The following CUL3 variants were observed in gnomAD, a reference collection of about 807,000 sequenced individuals.
CUL3 encodes the protein cullin-3.
In CUL3, 19 loss-of-function variants were observed where a neutral mutation model predicts 89.1. The ratio of observed to expected loss-of-function variants is 0.21; its 90% CI spans 0.15 to 0.31. The LOEUF is 0.31. Ranked by LOEUF, CUL3 falls within the 10% of genes least tolerant of loss-of-function variation. The probability of loss-of-function intolerance (pLI) is 1.00; values close to 1 mark genes in which losing one functional copy is unlikely to be tolerated. For synonymous variants in CUL3, 351 were observed against 308.4 expected, an observed-to-expected ratio of 1.14 and a Z score of -1.45; for missense variants, 469 against 942.3, an observed-to-expected ratio of 0.50 and a Z score of 6.58.
rs544067525 is a variant in CUL3 at position 224,570,547 on chromosome 2, GT to G, written c.67-12692del. ...CTTGATTAGTGACTTAAAACTGAAT[GT>G]AAAAACTACTGATGTTTGGTTAACT... On this transcript the variant is annotated intron_variant, in intron 1 of 15. Coordinates refer to ENST00000264414, the MANE Select transcript of CUL3 (RefSeq NM_003590.5). Among the ~76,000 whole-genome samples the G allele has an allele frequency of 1.9e-3, 291 of 152,272 alleles. 3 individuals are homozygous for G. Among genetic ancestry groups the G allele is most frequent in the African/African-American group, 6.7e-3 (280 of 41,560 alleles).
intron 12 of CUL3, among the ~76,000 whole-genome samples, chr2:224,497,539 G>A (rs1031139165): frequency 6.6e-6 from 1 of 152,080 alleles, no homozygotes; most frequent in Middle Eastern, 3.2e-3. Flanking sequence ...CCTTAGGGAA[G>A]ACTATACTGG....
intron 1 of CUL3, 48 bp from the exon 2 acceptor site, chr2:224,557,904 A>AAAAAAAAAAAAAAAAAAAAAG: frequency 9.3e-7 from 1 of 1,069,900 alleles, no homozygotes; most frequent in South Asian, 1.5e-5. Context: ...AAAAAAAAAA[A>AAAAAAAAAAAAAAAAAAAAAG]ACCAATGGTT....
At chr2:224,502,877 C>A in intron 10 of CUL3, 88 bp downstream of exon 10, 2 of 879,916 alleles carry the variant, frequency 2.3e-6, no homozygotes, top group Middle Eastern at 2.2e-4. Context: ...TTTAAAGAAA[C>A]AACTGTCATC....
chr2:224,471,485 T>TA lies in CUL3; in HGVS notation c.*2759dup, dbSNP rs1691128373. Reference sequence around the variant, plus strand: ...TCTAGGCCTTTTCTGCTACCCAACATATCCGGTGAACAAAACATCAACAGT... The same window carrying TA: ...TCTAGGCCTTTTCTGCTACCCAACATAATCCGGTGAACAAAACATCAACAGT... On this transcript the variant is annotated 3_prime_UTR_variant, in exon 16 of 16. Coordinates refer to ENST00000264414, the MANE Select transcript of CUL3 (RefSeq NM_003590.5). 5.2e-6 allele frequency: 1 copy of TA among 193,748 alleles called. No homozygotes were observed. The allele number at this position is 193,748 out of a possible 1,614,324, so 12.0% of individuals were successfully genotyped here.
At chr2:224,548,230 G>A (rs1219728892) in intron 2 of CUL3, among the ~76,000 whole-genome samples, 2 of 152,116 alleles carry the variant, frequency 1.3e-5, no homozygotes, top group African/African-American at 4.8e-5. Flanking sequence ...AGTCTAAAAC[G>A]TAACTTCCAC....
intron 13 of CUL3, among the ~76,000 whole-genome samples, chr2:224,493,103 C>T (rs893415080): frequency 3.2e-4 from 49 of 152,176 alleles, no homozygotes; most frequent in African/African-American, 1.1e-3. Context: ...AACCCCAAGC[C>T]AGAACTACCC....
chr2:224,497,082 T>A (rs1281716653), intron 12 of CUL3, among the ~76,000 whole-genome samples: 1 of 152,184 alleles, frequency 6.6e-6, no homozygotes, highest in Non-Finnish European at 1.5e-5. Context: ...TGATTCATCA[T>A]ACCAAACTAG....
chr2:224,548,703 C>A (rs1373609436), intron 2 of CUL3, among the ~76,000 whole-genome samples: 1 of 152,076 alleles, frequency 6.6e-6, no homozygotes, highest in Admixed American at 6.6e-5. Context: ...CCCCTGACTT[C>A]AAGAAAATTA....
At chr2:224,540,452 AAAGAAAG>A (rs1321490373) in intron 2 of CUL3, among the ~76,000 whole-genome samples, 2 of 151,962 alleles carry the variant, frequency 1.3e-5, no homozygotes, top group Non-Finnish European at 2.9e-5. Context: ...GAGGAAGAAG[AAAGAAAG>A]AAGAAAGAAG....
chr2:224,476,462 T>C lies in CUL3; in HGVS notation c.2175+1738A>G, dbSNP rs1359667643. Among the ~76,000 whole-genome samples, 3 of 152,226 alleles carry C rather than the reference T, an allele frequency of 2.0e-5. No individual in the cohort carries two copies. In the East Asian group the frequency reaches 5.8e-4, roughly 29 times the overall value. On this transcript the variant is annotated intron_variant, in intron 15 of 15. Transcript: ENST00000264414. ...GAGCACCATTCTTCGACAAGTATTA[T>C]TTCAAATTTCTGACAATCCCCTTAA...
intron 9 of CUL3, 43 bp from the exon 10 acceptor site, chr2:224,503,115 G>A: frequency 8.8e-7 from 1 of 1,130,236 alleles, no homozygotes; most frequent in Non-Finnish European, 1.3e-6. Context: ...AATGGTAGAT[G>A]TTTCTATGAG....
At chr2:224,548,948 A>ACCGAGATTGTG (rs1224570434) in intron 2 of CUL3, among the ~76,000 whole-genome samples, 2 of 151,964 alleles carry the variant, frequency 1.3e-5, no homozygotes, top group East Asian at 3.9e-4. Flanking sequence ...AATGCAGTGA[A>ACCGAGATTGTG]CCGAGATTGT....
chr2:224,509,987 C>T (rs1238111454), intron 6 of CUL3, among the ~76,000 whole-genome samples: 1 of 152,058 alleles, frequency 6.6e-6, no homozygotes, highest in African/African-American at 2.4e-5. Flanking sequence ...TGAGGAAAAA[C>T]TGTAAAGAAT....
chr2:224,516,410 G>A (rs991010052), intron 3 of CUL3, among the ~76,000 whole-genome samples: 3 of 147,172 alleles, frequency 2.0e-5, no homozygotes, highest in Non-Finnish European at 4.5e-5. Flanking sequence ...TCTGCCTCCC[G>A]AGTTTAAGCG....
rs1233954702 is a variant in CUL3 at position 224,503,039 on chromosome 2, C to G, written c.1411G>C (p.Glu471Gln). Residue 471 changes from glutamate to glutamine, a missense_variant, in exon 10 of 16, where the codon GAA becomes CAA. By Grantham distance (29) the Glu-to-Gln change is conservative. Around this residue, in one of 4 missense-constraint regions of CUL3, gnomAD observed 370 missense variants for 733.2 expected, o/e 0.50. Transcript: ENST00000264414. Reference protein sequence around the residue: ...ECGCQFTSKLEGMFRDMSISN... With the variant: ...ECGCQFTSKLQGMFRDMSISN... ...ATGCTCATATCCCTAAACATTCCTTCCAGTTTTGACGTGAACTGACATCCA... is the reference window on the plus strand; with the variant it reads ...ATGCTCATATCCCTAAACATTCCTTGCAGTTTTGACGTGAACTGACATCCA... The G allele has an allele frequency of 6.2e-7, 1 of 1,613,752 alleles. No individual in the cohort carries two copies. Among genetic ancestry groups the G allele is most frequent in the African/African-American group, 1.3e-5 (1 of 74,920 alleles).
chr2:224,526,816 C>CTA (rs1268333088), intron 3 of CUL3, among the ~76,000 whole-genome samples: 1 of 142,058 alleles, frequency 7.0e-6, no homozygotes. Flanking sequence ...GACTAAGTCT[C>CTA]CAAAAAAAAA....
rs1402035363 is a variant in CUL3, at chr2:224,496,146, T to C, written c.1708-180A>G. ...CCTGGGCTCAAGCAATCCTCCTACC[T>C]TAGCCTCCCAAGTAACTAGGACCAT... On this transcript the variant is annotated intron_variant, in intron 12 of 15. Transcript: ENST00000264414. Among the ~76,000 whole-genome samples the C allele has an allele frequency of 3.9e-5, 6 of 152,182 alleles. 1 individual carries two copies. The highest frequency in any genetic ancestry group is 3.9e-4 in the Admixed American group (6 of 15,278).
chr2:224,542,461 G>A (rs935202791), intron 2 of CUL3, among the ~76,000 whole-genome samples: 46 of 152,132 alleles, frequency 3.0e-4, no homozygotes, highest in African/African-American at 9.2e-4. Flanking sequence ...AAGTAGCTAG[G>A]ACTTCAGCAG....
chr2:224,542,556 C>CGT (rs35806786), intron 2 of CUL3, among the ~76,000 whole-genome samples: 13,939 of 150,422 alleles, frequency 0.093, 875 homozygotes, highest in East Asian at 0.26. Flanking sequence ...TGTGCGTGTG[C>CGT]GTGTGTGTGT....
Sources: allele counts gnomAD v4.1 joint callset (sites outside exome capture counted in the v4.1 genomes callset), GRCh38; gene constraint gnomAD v4.1.1; regional missense constraint gnomAD v4.1.1; transcripts MANE v1.5; gene names NCBI Gene and HGNC (gene_info 2026-07-23, HGNC 2026-07-21).